ERBB4: variants seen among roughly 807,000 people sequenced by gnomAD.
ERBB4 encodes the protein receptor tyrosine-protein kinase erbB-4.
Under a neutral mutation model 158.0 loss-of-function variants are expected in ERBB4, and 42 were observed. The observed-to-expected ratio is 0.27, with a 90% CI of 0.21 to 0.34. ERBB4 has a LOEUF of 0.34. ERBB4 is among the 10% of genes least tolerant of loss of function. ERBB4 has a pLI of 1.00. For missense variants in ERBB4, 1,333 were observed against 1,624.1 expected (o/e 0.82, Z 3.08); for synonymous variants, 583 against 558.7 (o/e 1.04, Z -0.61).
At chr2:212,528,093 T>TACA (rs1692550259) in intron 1 of ERBB4, among the ~76,000 whole-genome samples, 1 of 152,040 alleles carries the variant, frequency 6.6e-6, no homozygotes, top group Non-Finnish European at 1.5e-5. Context: ...GGAGGGAAAC[T>TACA]ACAGGGTAAC....
At chr2:212,142,199 A>AT (rs755497631) in intron 1 of ERBB4, among the ~76,000 whole-genome samples, 71 of 152,124 alleles carry the variant, frequency 4.7e-4, no homozygotes, top group Non-Finnish European at 9.4e-4. Flanking sequence ...AAAACATTAT[A>AT]TTTTTTATCA....
intron 1 of ERBB4, among the ~76,000 whole-genome samples, chr2:212,408,862 A>G (rs367655594): frequency 1.3e-4 from 20 of 152,262 alleles, no homozygotes; most frequent in African/African-American, 4.8e-4. Flanking sequence ...TTCTATTATG[A>G]CATTTAAAAG....
chr2:211,443,054 C>T (rs1169216521), intron 20 of ERBB4, among the ~76,000 whole-genome samples: 1 of 151,896 alleles, frequency 6.6e-6, no homozygotes, highest in Admixed American at 6.6e-5. Flanking sequence ...TTGATTTCCT[C>T]CTCTCCCTAC....
At chr2:211,856,682 C>T (rs1055065144) in intron 3 of ERBB4, among the ~76,000 whole-genome samples, 3 of 152,114 alleles carry the variant, frequency 2.0e-5, no homozygotes, top group African/African-American at 7.2e-5. Context: ...CCACTGCGCC[C>T]AGCCTAGTCT....
intron 1 of ERBB4, among the ~76,000 whole-genome samples, chr2:212,495,282 C>G (rs1690498490): frequency 6.6e-6 from 1 of 152,152 alleles, no homozygotes; most frequent in Non-Finnish European, 1.5e-5. Flanking sequence ...GTCTCTCACC[C>G]ATGTGCTTTT....
chr2:212,149,105 T>C (rs1424397126), intron 1 of ERBB4, among the ~76,000 whole-genome samples: 2 of 150,100 alleles, frequency 1.3e-5, no homozygotes, highest in African/African-American at 4.9e-5. Flanking sequence ...GCATGGCACA[T>C]GTATACATAT....
At chr2:211,521,748 C>G (rs1258570360) in intron 20 of ERBB4, among the ~76,000 whole-genome samples, 1 of 152,090 alleles carries the variant, frequency 6.6e-6, no homozygotes. Flanking sequence ...GAAATTGAAG[C>G]CAATGCTCAT....
At position 211,721,443 on chromosome 2, in the gene ERBB4, C is replaced by CAAAA. The variant is rs71054136; in HGVS notation, c.883+946_883+949dup. Among the ~76,000 whole-genome samples the CAAAA allele has an allele frequency of 2.6e-3, 140 of 54,492 alleles. 1 individual carries two copies. The highest frequency in any genetic ancestry group is 4.3e-3 in the South Asian group (6 of 1,394). The allele number at this position is 54,492 out of a possible 152,430, so 35.7% of individuals were successfully genotyped here. ...GAAATGTCCCATTGGTTACTCAAAG[C>CAAAA]AAAAAAAAAAAAAAAAAAAAAATAG... On this transcript the variant is annotated intron_variant, in intron 7 of 27. Transcript: ENST00000342788.
intron 4 of ERBB4, among the ~76,000 whole-genome samples, chr2:211,780,015 T>C (rs949641335): frequency 9.2e-5 from 14 of 152,028 alleles, no homozygotes; most frequent in African/African-American, 3.4e-4. Context: ...TTTATAATTA[T>C]ACACACACAC....
intron 2 of ERBB4, among the ~76,000 whole-genome samples, chr2:211,982,268 A>C (rs1488040091): frequency 1.3e-5 from 2 of 152,174 alleles, no homozygotes; most frequent in Non-Finnish European, 2.9e-5. Context: ...CAACTTAGTA[A>C]CAATCAGTGT....
intron 1 of ERBB4, among the ~76,000 whole-genome samples, chr2:212,293,860 A>AC (rs1257761793): frequency 2.7e-5 from 2 of 74,050 alleles, no homozygotes; most frequent in Non-Finnish European, 5.4e-5. Context: ...AAAAAAAAAC[A>AC]AAAAAAAAAA....
At chr2:211,425,421 T>A (rs2063606252) in intron 22 of ERBB4, among the ~76,000 whole-genome samples, 1 of 151,940 alleles carries the variant, frequency 6.6e-6, no homozygotes, top group Non-Finnish European at 1.5e-5. Flanking sequence ...CCTGATTTTT[T>A]TGGTTAATAT....
chr2:211,947,701 A>T lies in ERBB4; in HGVS notation c.235-85T>A, dbSNP rs56344314. On this transcript the variant is annotated intron_variant, in intron 2 of 27. Coordinates refer to ENST00000342788, the MANE Select transcript of ERBB4 (RefSeq NM_005235.3). Reference sequence around the variant, plus strand: ...GCAATTTAGATTAAAATGAGTTATTAAACTCTAATTTTCAGTTTTTAGTTT... The same window carrying T: ...GCAATTTAGATTAAAATGAGTTATTTAACTCTAATTTTCAGTTTTTAGTTT... 5.7e-3 allele frequency: 6,545 copies of T among 1,154,666 alleles called. 272 individuals carry two copies. The African/African-American group carries it at 0.091, about 16-fold the overall frequency. 71.5% of individuals were successfully genotyped at this position (1,154,666 alleles called of 1,614,324 possible).
chr2:211,835,846 CA>C (rs752514642), intron 3 of ERBB4, among the ~76,000 whole-genome samples: 10 of 151,916 alleles, frequency 6.6e-5, no homozygotes, highest in Non-Finnish European at 1.3e-4. Context: ...AATAAAGTTG[CA>C]AAACCAAGGG....
chr2:212,160,239 G>T (rs756690717), intron 1 of ERBB4, among the ~76,000 whole-genome samples: 2 of 151,916 alleles, frequency 1.3e-5, no homozygotes, highest in African/African-American at 4.8e-5. Context: ...GATGCTTCAG[G>T]CTTGTCCCCT....
At position 211,408,625 on chromosome 2, in the gene ERBB4, T is replaced by C. The variant is rs184103815; in HGVS notation, c.3135+11816A>G. 5.6e-3 allele frequency among the ~76,000 whole-genome samples: 847 copies of C among 152,330 alleles called. 10 individuals carry two copies. The highest frequency in any genetic ancestry group is 0.021 in the South Asian group (103 of 4,834). On this transcript the variant is annotated intron_variant, in intron 25 of 27. Coordinates refer to ENST00000342788, the MANE Select transcript of ERBB4 (RefSeq NM_005235.3). ...CATGTTTGGCAGCAGCCAAGTCTAG[T>C]GCTGATAAGAAGCTACAAACAATAA...
At chr2:211,639,667 G>A (rs2070497700) in intron 16 of ERBB4, among the ~76,000 whole-genome samples, 1 of 152,098 alleles carries the variant, frequency 6.6e-6, no homozygotes, top group African/African-American at 2.4e-5. Context: ...TTTCTGTCAT[G>A]CTTATTGTAC....
At chr2:212,537,234 C>T (rs1693137123) in intron 1 of ERBB4, among the ~76,000 whole-genome samples, 1 of 152,088 alleles carries the variant, frequency 6.6e-6, no homozygotes. Context: ...CTCCCTATCG[C>T]CACTCCCGGG....
intron 3 of ERBB4, among the ~76,000 whole-genome samples, chr2:211,856,366 CTATT>C (rs33972622): frequency 0.17 from 23,577 of 140,556 alleles, 2,210 homozygotes; most frequent in African/African-American, 0.24. Flanking sequence ...CTTGTAATTT[CTATT>C]TATTTATTTA....
Sources: allele counts gnomAD v4.1 joint callset (sites outside exome capture counted in the v4.1 genomes callset), GRCh38; gene constraint gnomAD v4.1.1; transcripts MANE v1.5; gene names NCBI Gene and HGNC (gene_info 2026-07-23, HGNC 2026-07-21).